WDPCP: variants seen among roughly 807,000 people sequenced by gnomAD.
WDPCP encodes WD repeat-containing and planar cell polarity effector protein fritz homolog.
A neutral mutation model predicts 93.1 loss-of-function variants in WDPCP; 71 were observed. The observed-to-expected ratio is 0.76, with a 90% CI of 0.63 to 0.93. WDPCP has a LOEUF of 0.93. WDPCP is among the 40% of genes least tolerant of loss of function. The pLI is 0.00. For missense variants in WDPCP, 844 were observed against 887.4 expected, an observed-to-expected ratio of 0.95 and a Z score of 0.62; for synonymous variants, 315 against 315.0, an observed-to-expected ratio of 1.00 and a Z score of 0.00.
At chr2:63,300,152 C>G (rs1266668475) in intron 13 of WDPCP, among the ~76,000 whole-genome samples, 1 of 152,100 alleles carries the variant, frequency 6.6e-6, no homozygotes, top group African/African-American at 2.4e-5. Context: ...GCTAGGAGAC[C>G]TCTTCCTCTA....
At chr2:63,493,624 CTA>C (rs965457698) in intron 1 of WDPCP, among the ~76,000 whole-genome samples, 2 of 150,790 alleles carry the variant, frequency 1.3e-5, no homozygotes, top group African/African-American at 4.9e-5. Flanking sequence ...GGGATGGACA[CTA>C]TGAATACTTT....
At chr2:63,494,314 C>CAAT (rs1701085270) in intron 1 of WDPCP, among the ~76,000 whole-genome samples, 1 of 124,128 alleles carries the variant, frequency 8.1e-6, no homozygotes, top group Non-Finnish European at 1.7e-5. Flanking sequence ...ATGATGATGA[C>CAAT]GATGATGATG....
chr2:63,577,194 C>T (rs1449563926), intron 1 of WDPCP, among the ~76,000 whole-genome samples: 1 of 152,156 alleles, frequency 6.6e-6, no homozygotes, highest in Non-Finnish European at 1.5e-5. Context: ...GACTTCATGT[C>T]TCTAGAGTAA....
the WDPCP span, among the ~76,000 whole-genome samples, chr2:63,834,328 T>G: frequency 6.6e-6 from 1 of 152,370 alleles, no homozygotes; most frequent in Non-Finnish European, 1.5e-5. Context: ...CTTCAGTAAG[T>G]TGCTGACCTC....
intron 14 of WDPCP, among the ~76,000 whole-genome samples, chr2:63,256,239 T>C (rs913738424): frequency 3.9e-5 from 6 of 152,114 alleles, no homozygotes; most frequent in East Asian, 1.9e-4. Context: ...AAGTCTATCT[T>C]AAAGAACAAA....
intron 14 of WDPCP, among the ~76,000 whole-genome samples, chr2:63,242,959 T>C (rs1679976150): frequency 6.6e-6 from 1 of 152,102 alleles, no homozygotes; most frequent in Admixed American, 6.6e-5. Flanking sequence ...GGCCTAGTAA[T>C]CTAATACCAG....
At chr2:63,738,528 T>C (rs1174580784) in intron 2 of WDPCP, among the ~76,000 whole-genome samples, 1 of 152,144 alleles carries the variant, frequency 6.6e-6, no homozygotes, top group African/African-American at 2.4e-5. Context: ...AATTTCATTT[T>C]TGTCTGTTTG....
chr2:63,543,030 TGAAGA>T (rs1462753547), intron 1 of WDPCP, among the ~76,000 whole-genome samples: 1 of 151,846 alleles, frequency 6.6e-6, no homozygotes, highest in Non-Finnish European at 1.5e-5. Context: ...GTGGTAGTTT[TGAAGA>T]GAAGTAGTAA....
chr2:63,759,733 T>G (rs1019653154), intron 2 of WDPCP, among the ~76,000 whole-genome samples: 1 of 152,210 alleles, frequency 6.6e-6, no homozygotes, highest in South Asian at 2.1e-4. Context: ...ACAGTCAGGG[T>G]GAGAAATTTA....
At chr2:63,531,315 T>C (rs1355531885) in intron 1 of WDPCP, among the ~76,000 whole-genome samples, 1 of 152,234 alleles carries the variant, frequency 6.6e-6, no homozygotes, top group Non-Finnish European at 1.5e-5. Context: ...TAAACATCCC[T>C]GTCTGACGAT....
chr2:63,122,007 T>A lies in WDPCP; in HGVS notation c.2240A>T (p.Ter747LeuextTer13). Residue 747 changes from the stop codon to leucine, a stop_lost, in exon 18 of 18, where the codon TAA (stop) becomes TTA (leucine). Coordinates refer to ENST00000272321, the MANE Select transcript of WDPCP (RefSeq NM_015910.7). ...SLKMIHFGLV* is the reference protein window; with the variant it reads ...SLKMIHFGLVL ...GCAGTTTTCTTTTTTTCTTAATGTT[T>A]ACACCAGACCAAAGTGAATCATTTT... 2 of 1,613,482 alleles carry A rather than the reference T, an allele frequency of 1.2e-6. No homozygotes were observed. The highest frequency in any genetic ancestry group is 8.5e-7 in the Non-Finnish European group (1 of 1,179,720).
Position 63,752,869 on chromosome 2 carries a change from T to G in WDPCP, n.308+60753A>C, listed in dbSNP as rs144901686. 4.1e-3 allele frequency among the ~76,000 whole-genome samples: 622 copies of G among 152,110 alleles called. 3 individuals carry two copies. The highest frequency in any genetic ancestry group is 0.014 in the African/African-American group (582 of 41,498). ...CACCAGCCCAGTTAATTTTTGTATT[T>G]TTTAAGTAGAGATGGGGCTTCACCA... is the stretch of plus-strand genomic sequence containing the variant. On this transcript the variant is annotated intron_variant and non_coding_transcript_variant, in intron 2 of 4. Transcript: ENST00000467687.
intron 17 of WDPCP, among the ~76,000 whole-genome samples, chr2:63,126,213 T>C (rs1312057015): frequency 6.6e-6 from 1 of 152,148 alleles, no homozygotes; most frequent in South Asian, 2.1e-4. Flanking sequence ...GGATTACAGG[T>C]GTAAGCCAAT....
At chr2:63,548,158 T>C (rs1327753863) in intron 1 of WDPCP, among the ~76,000 whole-genome samples, 1 of 151,992 alleles carries the variant, frequency 6.6e-6, no homozygotes, top group Non-Finnish European at 1.5e-5. Flanking sequence ...CAAATGTAAG[T>C]ATTACATAAT....
At chr2:63,287,533 T>G (rs1286847904) in intron 13 of WDPCP, among the ~76,000 whole-genome samples, 1 of 152,202 alleles carries the variant, frequency 6.6e-6, no homozygotes, top group African/African-American at 2.4e-5. Context: ...CTCCCAATTT[T>G]GGTAGCAATC....
At chr2:63,838,049 C>T in the WDPCP span, among the ~76,000 whole-genome samples, 1 of 151,818 alleles carries the variant, frequency 6.6e-6, no homozygotes, top group Non-Finnish European at 1.5e-5. Context: ...GAGCCGAGAT[C>T]GCACCACTGC....
intron 2 of WDPCP, among the ~76,000 whole-genome samples, chr2:63,759,135 C>T (rs1004510531): frequency 6.6e-6 from 1 of 152,012 alleles, no homozygotes; most frequent in Non-Finnish European, 1.5e-5. Context: ...AGAAGGCATG[C>T]TGGGAAGGCA....
chr2:63,785,966 T>C (rs1172521216), intron 2 of WDPCP, among the ~76,000 whole-genome samples: 1 of 152,208 alleles, frequency 6.6e-6, no homozygotes, highest in African/African-American at 2.4e-5. Flanking sequence ...ATGGCTCAGC[T>C]AAACTTTTAA....
intron 17 of WDPCP, among the ~76,000 whole-genome samples, chr2:63,125,155 A>G (rs1669809012): frequency 6.6e-6 from 1 of 152,210 alleles, no homozygotes; most frequent in Non-Finnish European, 1.5e-5. Flanking sequence ...GGTACTTGAC[A>G]TTTTTTGTAG....
Sources: gnomAD v4.1 joint callset for allele counts (sites outside exome capture counted in the v4.1 genomes callset) on GRCh38, gnomAD v4.1.1 for gene constraint, MANE v1.5 for transcripts, NCBI Gene and HGNC (gene_info 2026-07-23, HGNC 2026-07-21) for gene names.